The following SPOP variants were observed in gnomAD, a reference collection of about 807,000 sequenced individuals.
The protein encoded by SPOP is speckle-type POZ protein.
Under a neutral mutation model 45.6 loss-of-function variants are expected in SPOP, and 11 were observed. The ratio of observed to expected loss-of-function variants is 0.24; its 90% CI spans 0.15 to 0.40. The LOEUF is 0.40. SPOP is among the 10% of genes least tolerant of loss of function. The probability of loss-of-function intolerance (pLI) is 1.00; values close to 1 mark genes in which losing one functional copy is unlikely to be tolerated. For missense variants in SPOP, 152 were observed against 465.6 expected (o/e 0.33, Z 6.20); for synonymous variants, 166 against 166.3 (o/e 1.00, Z 0.01).
chr17:49,660,923 G>A (rs922399922), intron 1 of SPOP, among the ~76,000 whole-genome samples: 8 of 152,250 alleles, frequency 5.3e-5, no homozygotes, highest in Middle Eastern at 3.4e-3. Flanking sequence ...CTGAGATTGC[G>A]CCACTGCACT....
At chr17:49,667,668 C>G (rs908733186) in intron 1 of SPOP, among the ~76,000 whole-genome samples, 1 of 152,124 alleles carries the variant, frequency 6.6e-6, no homozygotes, top group African/African-American at 2.4e-5. Flanking sequence ...TAAAATGGTT[C>G]AGCCACTATG....
In SPOP at chr17:49,600,848, CG is replaced by C; in HGVS notation, c.981-327del. The stretch of plus-strand genomic sequence containing the variant: ...TCATAAAAAGGAGCATGGGCTCCCT[CG>C]GCCAGAAGCCCTGAGCTTCTGCCTG... On this transcript the variant is annotated intron_variant, in intron 9 of 9. Coordinates refer to ENST00000504102, the MANE Select transcript of SPOP (RefSeq NM_001007228.2). The surrounding 1 kb of genome is among the most constrained non-coding windows in gnomAD (Gnocchi z 4.2). The C allele has an allele frequency of 4.1e-6, 1 of 246,316 alleles. No homozygotes were observed. Among genetic ancestry groups the C allele is most frequent in the Non-Finnish European group, 8.1e-6 (1 of 123,676 alleles). The allele number at this position is 246,316 out of a possible 1,614,324, so 15.3% of individuals were successfully genotyped here.
At chr17:49,664,469 T>C (rs1453499157) in intron 1 of SPOP, among the ~76,000 whole-genome samples, 1 of 152,232 alleles carries the variant, frequency 6.6e-6, no homozygotes, top group Non-Finnish European at 1.5e-5. Flanking sequence ...TTTATTATTT[T>C]ATAGTAATAA....
At chr17:49,614,292 C>T (rs2072036409) in intron 5 of SPOP, among the ~76,000 whole-genome samples, 1 of 152,100 alleles carries the variant, frequency 6.6e-6, no homozygotes, top group Non-Finnish European at 1.5e-5. Flanking sequence ...TACATTCACA[C>T]AAGACTATTA....
chr17:49,608,317 A>G (rs1426364973), intron 6 of SPOP, among the ~76,000 whole-genome samples: 1 of 152,130 alleles, frequency 6.6e-6, no homozygotes, highest in East Asian at 1.9e-4. Context: ...CTGACACCAT[A>G]CTTTCTGCAC....
chr17:49,630,905 A>C (rs1308346109), intron 1 of SPOP, among the ~76,000 whole-genome samples: 5 of 152,264 alleles, frequency 3.3e-5, no homozygotes, highest in Non-Finnish European at 7.3e-5. Context: ...ATGGTTCTTA[A>C]ATATATGAAA....
intron 1 of SPOP, among the ~76,000 whole-genome samples, chr17:49,669,019 G>T (rs1024333332): frequency 6.6e-6 from 1 of 151,628 alleles, no homozygotes; most frequent in African/African-American, 2.4e-5. Context: ...CTCGTGATCC[G>T]CCCATCTCGG....
At chr17:49,637,154 G>A (rs895390621) in intron 1 of SPOP, among the ~76,000 whole-genome samples, 13 of 151,954 alleles carry the variant, frequency 8.6e-5, no homozygotes, top group African/African-American at 2.9e-4. Context: ...GGAGGGACAC[G>A]CAGGGCAGGG....
Position 49,618,639 on chromosome 17 carries a change from A to G in SPOP, c.480+342T>C, listed in dbSNP as rs1341036268. ...CACACTTAAGGAGCCAGAAAGTATA[A>G]ACAACAGATACACATATTTAGCTTG... On this transcript the variant is annotated intron_variant, in intron 5 of 9. Transcript: ENST00000504102. The G allele has an allele frequency of 1.1e-5, 5 of 459,168 alleles. No individual in the cohort carries two copies. In the Admixed American group the frequency reaches 1.3e-4, roughly 12 times the overall value. The allele number at this position is 459,168 out of a possible 1,614,324, so 28.4% of individuals were successfully genotyped here.
At chr17:49,616,645 C>T (rs1050489561) in intron 5 of SPOP, among the ~76,000 whole-genome samples, 13 of 152,154 alleles carry the variant, frequency 8.5e-5, no homozygotes, top group Admixed American at 6.5e-5. Flanking sequence ...CACACCCCCA[C>T]GCAACCGTCT....
chr17:49,605,025 T>C (rs1270495816), intron 8 of SPOP, among the ~76,000 whole-genome samples: 1 of 152,214 alleles, frequency 6.6e-6, no homozygotes, highest in African/African-American at 2.4e-5. Flanking sequence ...TTAAACTCAG[T>C]ATTTTTCATA....
chr17:49,638,664 G>A (rs1226332691), intron 1 of SPOP, among the ~76,000 whole-genome samples: 1 of 152,106 alleles, frequency 6.6e-6, no homozygotes, highest in South Asian at 2.1e-4. Context: ...GCTTCTCTTA[G>A]ACTATAATAG....
chr17:49,617,940 A>AAAAG (rs1567777196), intron 5 of SPOP, among the ~76,000 whole-genome samples: 4 of 151,880 alleles, frequency 2.6e-5, no homozygotes, highest in South Asian at 2.1e-4. Flanking sequence ...AAAAAAAAAA[A>AAAAG]AAAGAAAGAA....
At position 49,600,204 on chromosome 17, in the gene SPOP, C is replaced by G. The variant is rs1399680825; in HGVS notation, c.*174G>C. ...GGTTTTCATTTCATTTTCCCTCCCC[C>G]CGTTTCCCCCAAGTTATTTAGTGCT... On this transcript the variant is annotated 3_prime_UTR_variant, in exon 10 of 10. Transcript: ENST00000504102. The surrounding 1 kb of genome is among the most constrained non-coding windows in gnomAD (Gnocchi z 4.2). 2.4e-6 allele frequency: 2 copies of G among 832,598 alleles called. No individual in the cohort carries two copies. Among genetic ancestry groups the G allele is most frequent in the East Asian group, 2.5e-5 (1 of 40,548 alleles). The allele number at this position is 832,598 out of a possible 1,614,324, so 51.6% of individuals were successfully genotyped here. A position where few individuals can be genotyped will look rare whatever the true frequency, so the allele number is the denominator to read the frequency against.
chr17:49,604,699 C>G (rs2071804217), intron 8 of SPOP, among the ~76,000 whole-genome samples: 1 of 152,190 alleles, frequency 6.6e-6, no homozygotes, highest in African/African-American at 2.4e-5. Context: ...TGTCCGCCAA[C>G]ACAGGAAAAG....
chr17:49,651,618 T>C (rs2072843992), intron 1 of SPOP, among the ~76,000 whole-genome samples: 1 of 152,248 alleles, frequency 6.6e-6, no homozygotes, highest in African/African-American at 2.4e-5. Context: ...AATAAAAGGC[T>C]TCCTTTATTT....
chr17:49,659,925 C>T (rs1169727206), intron 1 of SPOP, among the ~76,000 whole-genome samples: 1 of 152,210 alleles, frequency 6.6e-6, no homozygotes, highest in African/African-American at 2.4e-5. Context: ...TCATTCTTGA[C>T]ACTTTCCTCT....
chr17:49,676,621 T>G (rs1487160377), intron 1 of SPOP, among the ~76,000 whole-genome samples: 1 of 152,282 alleles, frequency 6.6e-6, no homozygotes, highest in South Asian at 2.1e-4. Flanking sequence ...CAAGGAGAAC[T>G]GAAAAACACA....
chr17:49,650,900 T>C (rs191430602), intron 1 of SPOP, among the ~76,000 whole-genome samples: 58 of 152,310 alleles, frequency 3.8e-4, no homozygotes, highest in African/African-American at 1.3e-3. Context: ...GCTCTGGAGA[T>C]ATAAAAGGAC....
Sources: allele counts gnomAD v4.1 joint callset (sites outside exome capture counted in the v4.1 genomes callset), GRCh38; gene constraint gnomAD v4.1.1; non-coding constraint Gnocchi (gnomAD v3.1); transcripts MANE v1.5; gene names NCBI Gene and HGNC (gene_info 2026-07-23, HGNC 2026-07-21).